KIF2C: variants seen among roughly 807,000 people sequenced by gnomAD.
The protein encoded by KIF2C is kinesin-like protein KIF2C.
KIF2C carries 34 observed loss-of-function variants against 97.4 expected under a neutral mutation model. The ratio of observed to expected loss-of-function variants is 0.35; its 90% confidence interval spans 0.27 to 0.46. The LOEUF (loss-of-function observed/expected upper bound fraction) is 0.46, where lower values mean the gene tolerates loss of function less well. Among genes scored for constraint, KIF2C ranks in the 20% least tolerant of loss-of-function variants. KIF2C has a pLI of 1.00. For synonymous variants in KIF2C, 313 were observed against 318.2 expected, an observed-to-expected ratio of 0.98 and a Z score of 0.17; for missense variants, 750 against 907.6, an observed-to-expected ratio of 0.83 and a Z score of 2.23.
Position 44,739,861 on chromosome 1 carries a change from T to G in KIF2C, c.-72T>G. ...TAAACTGCGGCGGTTTACGCGGCGT[T>G]AAGACTTCGTAGGGTTAGCGAAATT... On this transcript the variant is annotated 5_prime_UTR_variant, in exon 1 of 21. Transcript: ENST00000372224. 1.4e-6 allele frequency: 2 copies of G among 1,405,990 alleles called. No individual in the cohort carries two copies. Among genetic ancestry groups the G allele is most frequent in the East Asian group, 2.3e-5 (1 of 43,724 alleles). The allele number at this position is 1,405,990 out of a possible 1,614,324, so 87.1% of individuals were successfully genotyped here.
chr1:44,745,885 T>C (rs1320193819), intron 2 of KIF2C, among the ~76,000 whole-genome samples: 1 of 149,226 alleles, frequency 6.7e-6, no homozygotes, highest in Non-Finnish European at 1.5e-5. Context: ...TTTCTTTTTC[T>C]TTTTTTTTTG....
chr1:44,744,091 T>G (rs1056904668), intron 2 of KIF2C, among the ~76,000 whole-genome samples: 7 of 65,298 alleles, frequency 1.1e-4, no homozygotes, highest in African/African-American at 2.2e-4. Context: ...TTTTTTTTTG[T>G]TTGTTTGTTT....
rs1235353716 is a variant in KIF2C at position 44,766,084 on chromosome 1, G to C, written c.1972-742G>C. On this transcript the variant is annotated intron_variant, in intron 19 of 20. Coordinates refer to ENST00000372224, the MANE Select transcript of KIF2C (RefSeq NM_006845.4). ...AATAAATAAATAAATAAATTAGCTG[G>C]CTATGGTGGTGTGTGCCTGTAGTCC... Among the ~76,000 whole-genome samples the C allele has an allele frequency of 4.0e-5, 6 of 151,888 alleles. No individual in the cohort carries two copies. In the East Asian group the frequency reaches 1.2e-3, roughly 29 times the overall value.
rs548889196 is a variant in KIF2C, at chr1:44,750,221, G to C, written c.317-221G>C. 5.2e-5 allele frequency: 19 copies of C among 368,276 alleles called. No individual in the cohort carries two copies. The South Asian group carries it at 1.6e-3, about 32-fold the overall frequency. 22.8% of individuals were successfully genotyped at this position (368,276 alleles called of 1,614,324 possible). On this transcript the variant is annotated intron_variant, in intron 4 of 20. Transcript: ENST00000372224. ...GCCGCTCTTTGTGGGAGATATCCTT[G>C]CCCTCAGGAGCTCCTAGATTTGCAC... is the stretch of plus-strand genomic sequence containing the variant.
chr1:44,744,621 C>T (rs150998143), intron 2 of KIF2C, among the ~76,000 whole-genome samples: 7 of 152,088 alleles, frequency 4.6e-5, no homozygotes, highest in East Asian at 1.9e-4. Context: ...CTGGTTTTCG[C>T]GGGTCGTGGT....
At position 44,741,048 on chromosome 1, in the gene KIF2C, C is replaced by T. The variant is rs750069771; in HGVS notation, c.165+41C>T. 4.1e-6 allele frequency: 6 copies of T among 1,453,610 alleles called. 1 individual carries two copies. The South Asian group carries it at 5.7e-5, about 14-fold the overall frequency. 90.0% of individuals were successfully genotyped at this position (1,453,610 alleles called of 1,614,324 possible). ...ATTCCTCTACCACATTTAATGTCTT[C>T]CTACATAAAGGATCTGTGCAGAAGT... is the stretch of plus-strand genomic sequence containing the variant. On this transcript the variant is annotated intron_variant, in intron 2 of 20. Transcript: ENST00000372224.
rs1256723297 is a variant in KIF2C at position 44,757,879 on chromosome 1, C to T, written c.1069-29C>T. On this transcript the variant is annotated intron_variant, in intron 11 of 20. Transcript: ENST00000372224. ...TCTGCTCTAGGCCAACAGCCCTTTT[C>T]CATGGTCTTCTACCCCTTCCCTTTG... 3 of 1,611,076 alleles carry T rather than the reference C, an allele frequency of 1.9e-6. No homozygotes were observed. In the South Asian group the frequency reaches 3.3e-5, roughly 18 times the overall value.
intron 5 of KIF2C, among the ~76,000 whole-genome samples, chr1:44,751,487 C>T (rs1332602221): frequency 2.6e-5 from 4 of 151,084 alleles, no homozygotes; most frequent in African/African-American, 9.7e-5. Flanking sequence ...TGAGCCACCT[C>T]GCCCAGCCCT....
intron 2 of KIF2C, among the ~76,000 whole-genome samples, chr1:44,742,188 C>G (rs7413547): frequency 1.3e-5 from 2 of 151,914 alleles, no homozygotes; most frequent in African/African-American, 2.4e-5. Context: ...CAGCTCACTG[C>G]AAGCTCCGCC....
chr1:44,747,294 C>T (rs576698405), intron 2 of KIF2C, 90 bp from the exon 3 acceptor site: 5 of 1,058,726 alleles, frequency 4.7e-6, no homozygotes, highest in South Asian at 2.9e-5. Context: ...GGCGACAGAG[C>T]GATACTCTGT....
intron 5 of KIF2C, among the ~76,000 whole-genome samples, chr1:44,751,946 C>T (rs1197358740): frequency 2.7e-5 from 4 of 148,974 alleles, no homozygotes; most frequent in Admixed American, 6.7e-5. Context: ...CTCAGCCTCC[C>T]GAGTAGCTAG....
At chr1:44,741,271 A>G (rs1648920408) in intron 2 of KIF2C, among the ~76,000 whole-genome samples, 1 of 151,622 alleles carries the variant, frequency 6.6e-6, no homozygotes, top group Non-Finnish European at 1.5e-5. Flanking sequence ...AATCCCAACT[A>G]CTTGGGAGCC....
At chr1:44,746,937 G>T (rs193273242) in intron 2 of KIF2C, among the ~76,000 whole-genome samples, 1 of 151,330 alleles carries the variant, frequency 6.6e-6, no homozygotes, top group East Asian at 2.0e-4. Context: ...TTGCTCTGTT[G>T]CCCAGGCTGG....
At position 44,757,979 on chromosome 1, in the gene KIF2C, C is replaced by T. The variant is rs1557597951; in HGVS notation, c.1132+8C>T. ...GGATCTATGCCATGGCCTGTAAGTA[C>T]TGTGTACTGCTGCTTCAGGGTTGGG... On this transcript the variant is annotated splice_region_variant and intron_variant, in intron 12 of 20. Coordinates refer to ENST00000372224, the MANE Select transcript of KIF2C (RefSeq NM_006845.4). 1 of 1,614,140 alleles carries T rather than the reference C, an allele frequency of 6.2e-7. No individual in the cohort carries two copies. Among genetic ancestry groups the T allele is most frequent in the South Asian group, 1.1e-5 (1 of 91,090 alleles).
intron 2 of KIF2C, among the ~76,000 whole-genome samples, chr1:44,742,483 C>G (rs535280233): frequency 6.6e-6 from 1 of 151,318 alleles, no homozygotes; most frequent in South Asian, 2.1e-4. Context: ...TTTGGGAGGC[C>G]GAGGTGGGCG....
At position 44,758,132 on chromosome 1, in the gene KIF2C, A is replaced by G. The variant is rs970750632; in HGVS notation, c.1216A>G (p.Asn406Asp). The change falls in exon 13 of 21, where the codon AAT (asparagine) becomes GAT (aspartate). Residue 406 changes from asparagine (N) to aspartate (D), a missense_variant. Transcript: ENST00000372224. ...EVYVTFFEIY[N>D]GKLFDLLNKK... ...CTATGTGACATTCTTCGAGATCTAC[A>G]ATGGGAAGGTAGCTGGCAGGAAGCC... 1 of 1,613,958 alleles carries G rather than the reference A, an allele frequency of 6.2e-7. No homozygotes were observed. The highest frequency in any genetic ancestry group is 2.2e-5 in the East Asian group (1 of 44,876).
chr1:44,754,738 G>T lies in KIF2C; in HGVS notation c.664-12G>T. On this transcript the variant is annotated splice_polypyrimidine_tract_variant and intron_variant, in intron 7 of 20. Transcript: ENST00000372224. ...TAACAGTCTGCCCTTTTTCACTCTC[G>T]TCTCAAACCAGGAGTATGACAGTAG... 1.3e-6 allele frequency: 2 copies of T among 1,552,228 alleles called. No homozygotes were observed. Among genetic ancestry groups the T allele is most frequent in the East Asian group, 2.2e-5 (1 of 44,574 alleles).
In KIF2C at chr1:44,745,464, CTTT is replaced by C. The variant is rs869293971; in HGVS notation, c.166-1896_166-1894del. Among the ~76,000 whole-genome samples the C allele has an allele frequency of 6.7e-3, 258 of 38,300 alleles. 1 individual carries two copies. Among genetic ancestry groups the C allele is most frequent in the South Asian group, 0.035 (34 of 958 alleles). 25.1% of individuals were successfully genotyped at this position (38,300 alleles called of 152,430 possible). A position where few individuals can be genotyped will look rare whatever the true frequency, so the allele number is the denominator to read the frequency against. ...TCATGGTGGCAGGGGTTGTATATGTCTTTTTTTTTTTTTTTTTTTTTTTTTTGA... is the reference window on the plus strand; with the variant it reads ...TCATGGTGGCAGGGGTTGTATATGTCTTTTTTTTTTTTTTTTTTTTTTTGA... On this transcript the variant is annotated intron_variant, in intron 2 of 20. Transcript: ENST00000372224.
intron 19 of KIF2C, among the ~76,000 whole-genome samples, chr1:44,764,056 T>C (rs1322261425): frequency 6.6e-6 from 1 of 151,264 alleles, no homozygotes; most frequent in Admixed American, 6.6e-5. Context: ...GAGAAACTAG[T>C]GCCTAGACCA....
Sources: allele counts gnomAD v4.1 joint callset (sites outside exome capture counted in the v4.1 genomes callset), GRCh38; gene constraint gnomAD v4.1.1; transcripts MANE v1.5; gene names NCBI Gene and HGNC (gene_info 2026-07-23, HGNC 2026-07-21).